PSD2: variants seen among roughly 807,000 people sequenced by gnomAD.
PSD2 encodes PH and SEC7 domain-containing protein 2.
In PSD2, 38 loss-of-function variants were observed where a neutral mutation model predicts 69.8. The ratio of observed to expected loss-of-function variants is 0.54; its 90% CI spans 0.42 to 0.71. PSD2 has a LOEUF of 0.71. Among genes scored for constraint, PSD2 ranks in the 30% least tolerant of loss-of-function variants. PSD2 has a pLI of 0.00. For missense variants in PSD2, 943 were observed against 1,014.5 expected, an observed-to-expected ratio of 0.93 and a Z score of 0.96; for synonymous variants, 412 against 423.0, an observed-to-expected ratio of 0.97 and a Z score of 0.32.
chr5:139,809,761 G>A lies in PSD2; in HGVS notation c.321G>A (p.Gly107=). 1 of 1,614,186 alleles carries A rather than the reference G, an allele frequency of 6.2e-7. No homozygotes were observed. Among genetic ancestry groups the A allele is most frequent in the Non-Finnish European group, 8.5e-7 (1 of 1,180,022 alleles). ...RPWRAGVLAE[G]DNASRSLYPD... is the part of the protein sequence containing the mutation. ...GGAGGGCTGGCGTGCTGGCAGAGGGGGACAATGCTTCCAGGAGCCTCTACC... is the reference window on the plus strand; with the variant it reads ...GGAGGGCTGGCGTGCTGGCAGAGGGAGACAATGCTTCCAGGAGCCTCTACC... Residue 107 remains glycine, a synonymous_variant, in exon 2 of 15, where the codon GGG becomes GGA. Transcript: ENST00000274710.
chr5:139,759,666 G>A, the PSD2 span, among the ~76,000 whole-genome samples: 13 of 152,226 alleles, frequency 8.5e-5, no homozygotes, highest in African/African-American at 2.9e-4. Context: ...CGGGCCCTTT[G>A]GGGGAATACT....
At chr5:139,800,429 C>T (rs1251223475) in intron 1 of PSD2, among the ~76,000 whole-genome samples, 1 of 152,188 alleles carries the variant, frequency 6.6e-6, no homozygotes, top group Non-Finnish European at 1.5e-5. Context: ...CACACTTGCT[C>T]TTTGTGTGTG....
the PSD2 span, among the ~76,000 whole-genome samples, chr5:139,747,839 A>AG: frequency 1.3e-5 from 2 of 152,104 alleles, no homozygotes; most frequent in African/African-American, 4.8e-5. The surrounding 1 kb of genome is among the most constrained non-coding windows in gnomAD (Gnocchi z 6.7). Context: ...CAAAGCAAGG[A>AG]GGGGGTGTAG....
chr5:139,791,115 C>G (rs1243015911), upstream of PSD2, among the ~76,000 whole-genome samples: 1 of 151,936 alleles, frequency 6.6e-6, no homozygotes, highest in Non-Finnish European at 1.5e-5. Flanking sequence ...CACAGGCAAA[C>G]AGAAGGTGGA....
chr5:139,841,564 T>A (rs931322268), intron 14 of PSD2, among the ~76,000 whole-genome samples: 2 of 152,364 alleles, frequency 1.3e-5, no homozygotes, highest in Non-Finnish European at 2.9e-5. Flanking sequence ...GTGGTAATTT[T>A]ATTTTTAACT....
At chr5:139,757,100 C>T in the PSD2 span, among the ~76,000 whole-genome samples, 1 of 152,212 alleles carries the variant, frequency 6.6e-6, no homozygotes, top group South Asian at 2.1e-4. Flanking sequence ...CCATAGATTG[C>T]ATGAAGCGGA....
the PSD2 span, among the ~76,000 whole-genome samples, chr5:139,789,826 A>G: frequency 6.6e-6 from 1 of 152,162 alleles, no homozygotes; most frequent in East Asian, 1.9e-4. Context: ...CATATGTGTT[A>G]TGGAGGAAAA....
At chr5:139,791,237 C>G (rs921284601), upstream of PSD2, among the ~76,000 whole-genome samples, 9 of 152,118 alleles carry the variant, frequency 5.9e-5, no homozygotes, top group African/African-American at 2.2e-4. Flanking sequence ...CAAGACCAGC[C>G]TGGGCAACAT....
chr5:139,782,077 C>T, the PSD2 span, among the ~76,000 whole-genome samples: 3 of 152,362 alleles, frequency 2.0e-5, no homozygotes, highest in East Asian at 5.8e-4. Context: ...CCCATGTGGG[C>T]TCCCAGTGGC....
At chr5:139,756,751 C>G in the PSD2 span, among the ~76,000 whole-genome samples, 1 of 152,244 alleles carries the variant, frequency 6.6e-6, no homozygotes, top group Admixed American at 6.5e-5. Context: ...CAAAGTTGGC[C>G]TTCAGGATCC....
At chr5:139,833,582 A>G (rs1268442478) in intron 7 of PSD2, 120 bp from the exon 8 acceptor site, 3 of 730,476 alleles carry the variant, frequency 4.1e-6, no homozygotes, top group South Asian at 1.5e-5. Flanking sequence ...AATTCACGCA[A>G]TTTAATTTTC....
the PSD2 span, among the ~76,000 whole-genome samples, chr5:139,770,669 T>A: frequency 6.6e-6 from 1 of 152,222 alleles, no homozygotes; most frequent in African/African-American, 2.4e-5. Context: ...CTGACACTAA[T>A]CATGATGAGC....
In PSD2 at chr5:139,840,039, C is replaced by T. The variant is rs1052980080; in HGVS notation, c.1981C>T (p.Arg661Trp). ...TTRLCQEEQL[R>W]SHENKLRQLT... Reference sequence around the variant, plus strand: ...TTTGTCTTTGCAGGAGGAGCAACTGCGGTCTCATGAGAATAAGTTGAGGCA... The same window carrying T: ...TTTGTCTTTGCAGGAGGAGCAACTGTGGTCTCATGAGAATAAGTTGAGGCA... The change falls in exon 14 of 15, where the codon CGG becomes TGG. Residue 661 changes from arginine to tryptophan, a missense_variant. Arg to Trp is a moderately radical substitution (Grantham distance 101). Coordinates refer to ENST00000274710, the MANE Select transcript of PSD2 (RefSeq NM_032289.4). 2.4e-5 allele frequency: 39 copies of T among 1,614,144 alleles called. No homozygotes were observed. Among genetic ancestry groups the T allele is most frequent in the East Asian group, 6.7e-5 (3 of 44,888 alleles).
At chr5:139,822,034 C>G in intron 6 of PSD2, 29 bp downstream of exon 6, 1 of 1,440,452 alleles carries the variant, frequency 6.9e-7, no homozygotes, top group South Asian at 1.2e-5. Context: ...TCTGCCTGAC[C>G]CTCCCCACCC....
At chr5:139,815,155 C>T (rs1234427590) in intron 4 of PSD2, among the ~76,000 whole-genome samples, 1 of 152,128 alleles carries the variant, frequency 6.6e-6, no homozygotes, top group Non-Finnish European at 1.5e-5. Context: ...CGGCTCAGGT[C>T]CTGGATCCTC....
chr5:139,835,654 A>G, intron 8 of PSD2, 69 bp from the exon 9 acceptor site: 1 of 1,481,394 alleles, frequency 6.8e-7, no homozygotes. Context: ...TACCCATGTT[A>G]TTGGTGGTAG....
chr5:139,813,757 A>G lies in PSD2; in HGVS notation c.820A>G (p.Ser274Gly). 2 of 1,597,922 alleles carry G rather than the reference A, an allele frequency of 1.3e-6. No homozygotes were observed. Among genetic ancestry groups the G allele is most frequent in the Non-Finnish European group, 1.7e-6 (2 of 1,170,188 alleles). Reference sequence around the variant, plus strand: ...CACGGACAAGTTGCTGAACTCAGCCAGGTGAGGCAGGGCCCAGGCTGGGAG... The same window carrying G: ...CACGGACAAGTTGCTGAACTCAGCCGGGTGAGGCAGGGCCCAGGCTGGGAG... ...EDTDKLLNSA[S>G]DPSLKDGLSD... Residue 274 changes from serine (S) to glycine (G), a missense_variant and splice_region_variant, in exon 3 of 15, where the codon AGT (serine) becomes GGT (glycine). Physicochemically the swap from Ser to Gly is moderately conservative, Grantham distance 56 (BLOSUM62 0). This residue lies in a region of PSD2 where 466 missense variants were observed against 445.0 expected (regional missense o/e 1.05). Transcript: ENST00000274710.
At chr5:139,755,373 T>C in the PSD2 span, among the ~76,000 whole-genome samples, 1 of 152,152 alleles carries the variant, frequency 6.6e-6, no homozygotes, top group Non-Finnish European at 1.5e-5. Context: ...TGCTTTGATG[T>C]GTGCGTGTCC....
the PSD2 span, among the ~76,000 whole-genome samples, chr5:139,773,784 G>A: frequency 6.6e-6 from 1 of 152,132 alleles, no homozygotes; most frequent in Admixed American, 6.5e-5. Context: ...GAATGTAGGG[G>A]TATAAGCATA....
Sources: gnomAD v4.1 joint callset for allele counts (sites outside exome capture counted in the v4.1 genomes callset) on GRCh38, gnomAD v4.1.1 for gene constraint, gnomAD v4.1.1 regional missense constraint, Gnocchi (gnomAD v3.1) non-coding constraint, MANE v1.5 for transcripts, NCBI Gene and HGNC (gene_info 2026-07-23, HGNC 2026-07-21) for gene names.